Variants in IGFN1 observed in about 807,000 individuals in gnomAD.
IGFN1 encodes the protein immunoglobulin-like and fibronectin type III domain-containing protein 1.
Under a neutral mutation model 289.5 loss-of-function variants are expected in IGFN1, and 253 were observed. That is an observed-to-expected ratio of 0.87 (90% CI 0.79 to 0.97). The LOEUF (loss-of-function observed/expected upper bound fraction) is 0.97. IGFN1 is among the 50% of genes least tolerant of loss of function. IGFN1 has a pLI of 0.00. For synonymous variants in IGFN1, 1,706 were observed against 1,788.5 expected (o/e 0.95, Z 1.16); for missense variants, 4,470 against 4,686.1 (o/e 0.95, Z 1.35).
chr1:201,196,992 T>C (rs1666949069), intron 4 of IGFN1, among the ~76,000 whole-genome samples: 1 of 152,218 alleles, frequency 6.6e-6, no homozygotes, highest in Non-Finnish European at 1.5e-5. Flanking sequence ...AAGCACACTC[T>C]TTCTACTTCG....
At position 201,215,608 on chromosome 1, in the gene IGFN1, C is replaced by A. The variant is rs149837907; in HGVS notation, c.9065C>A (p.Pro3022Gln). Residue 3022 changes from proline (P) to glutamine (Q), a missense_variant, in exon 15 of 24, where the codon CCG (proline) becomes CAG (glutamine). This residue lies in a region of IGFN1 where 2,218 missense variants were observed against 2,114.1 expected (regional missense o/e 1.05). Transcript: ENST00000335211. Reference sequence around the variant, plus strand: ...CCACTGGTGGTCAAGGCTGGGAAGCCGGTGATAGTGAAGATCCCCTTCCAG... The same window carrying A: ...CCACTGGTGGTCAAGGCTGGGAAGCAGGTGATAGTGAAGATCCCCTTCCAG... ...REPLVVKAGKPVIVKIPFQSH... is the reference protein window; with the variant it reads ...REPLVVKAGKQVIVKIPFQSH... 6.2e-7 allele frequency: 1 copy of A among 1,613,206 alleles called. No homozygotes were observed. Among genetic ancestry groups the A allele is most frequent in the Non-Finnish European group, 8.5e-7 (1 of 1,179,628 alleles).
At chr1:201,222,636 G>T in intron 19 of IGFN1, 103 bp from the exon 20 acceptor site, 2 of 695,060 alleles carry the variant, frequency 2.9e-6, no homozygotes, top group South Asian at 3.6e-5. Context: ...GCATCAATCC[G>T]ACTGGCCCAG....
chr1:201,193,478 A>T (rs886092627), intron 2 of IGFN1, among the ~76,000 whole-genome samples, 178 bp downstream of exon 2: 1 of 151,810 alleles, frequency 6.6e-6, no homozygotes, highest in Non-Finnish European at 1.5e-5. Context: ...TTGAGACAGA[A>T]TCTCACTCTG....
rs1296771410 is a variant in IGFN1, at chr1:201,206,655, C to A, written c.1762C>A (p.Leu588Met). ...KEHRGDSGRQ[L>M]DRHAPEQLWD... ...GCACAGAGGGGACAGTGGAAGACAA[C>A]TGGACAGGCATGCCCCAGAGCAACT... Residue 588 changes from leucine (L) to methionine (M), a missense_variant, in exon 12 of 24, where the codon CTG becomes ATG. Transcript: ENST00000335211. 4 of 1,537,812 alleles carry A rather than the reference C, an allele frequency of 2.6e-6. No individual in the cohort carries two copies. The African/African-American group carries it at 5.5e-5, about 21-fold the overall frequency.
Position 201,212,820 on chromosome 1 carries a change from A to T in IGFN1, c.7927A>T (p.Lys2643Ter), listed in dbSNP as rs1298461657. The T allele has an allele frequency of 6.4e-7, 1 of 1,551,240 alleles. No homozygotes were observed. Among genetic ancestry groups the T allele is most frequent in the African/African-American group, 1.4e-5 (1 of 73,030 alleles). ...TAGCCAAGGCAGCATAGATGCTGGG[A>T]AGCAGCCCGCAGGCTCCAGAGCTTC... The part of the protein sequence containing the change: ...GFSQGSIDAG[K>*]QPAGSRASGS... Residue 2643 changes from lysine (K) to a stop codon, truncating the protein, a stop_gained, in exon 12 of 24, where the codon AAG (lysine) becomes TAG (stop). Transcript: ENST00000335211. LOFTEE classifies it high-confidence loss of function.
intron 9 of IGFN1, 96 bp downstream of exon 9, chr1:201,201,928 A>G: frequency 1.5e-6 from 1 of 687,528 alleles, no homozygotes; most frequent in African/African-American, 1.8e-5. Context: ...CCTCCAAGGG[A>G]ACAACCAGAG....
chr1:201,212,979 G>T lies in IGFN1; in HGVS notation c.8086G>T (p.Gly2696Cys), dbSNP rs1035999699. Residue 2696 changes from glycine (G) to cysteine (C), a missense_variant, in exon 12 of 24, where the codon GGT becomes TGT. Physicochemically the swap from Gly to Cys is radical, Grantham distance 159. This residue lies in a region of IGFN1 where 2,218 missense variants were observed against 2,114.1 expected (regional missense o/e 1.05). Transcript: ENST00000335211. The part of the protein sequence containing the change: ...CRSPWSLDSK[G>C]SSPGRGSSVD... ...AAGCCCATGGTCCCTGGATAGCAAA[G>T]GTTCAAGTCCTGGAAGGGGCAGTTC... is the stretch of plus-strand genomic sequence containing the variant. 3 of 1,551,562 alleles carry T rather than the reference G, an allele frequency of 1.9e-6. No individual in the cohort carries two copies. The South Asian group carries it at 3.6e-5, about 18-fold the overall frequency.
In IGFN1 at chr1:201,197,683, T is replaced by C. The variant is rs562138918; in HGVS notation, c.367+366T>C. Among the ~76,000 whole-genome samples the C allele has an allele frequency of 2.6e-5, 4 of 152,362 alleles. No individual in the cohort carries two copies. The East Asian group carries it at 5.8e-4, about 22-fold the overall frequency. ...GCAAAGGATATTTTGGACAGGCCTA[T>C]GCCAGAGTTGACAAACAGGTCACAC... On this transcript the variant is annotated intron_variant, in intron 5 of 23. Coordinates refer to ENST00000335211, the MANE Select transcript of IGFN1 (RefSeq NM_001164586.2).
chr1:201,217,140 A>G (rs560800029), intron 16 of IGFN1, 147 bp from the exon 17 acceptor site: 2 of 682,648 alleles, frequency 2.9e-6, no homozygotes, highest in Non-Finnish European at 2.5e-6. Context: ...ACACTGACCT[A>G]GGGCGGGCTG....
intron 10 of IGFN1, 90 bp from the exon 11 acceptor site, chr1:201,204,992 G>A: frequency 5.2e-6 from 7 of 1,354,558 alleles, no homozygotes; most frequent in Non-Finnish European, 7.0e-6. Flanking sequence ...GCTGGTCTAA[G>A]CCAGGATTTC....
chr1:201,209,324 T>C lies in IGFN1; in HGVS notation c.4431T>C (p.Gly1477=). Residue 1477 remains glycine, a synonymous_variant, in exon 12 of 24, where the codon GGT becomes GGC. Coordinates refer to ENST00000335211, the MANE Select transcript of IGFN1 (RefSeq NM_001164586.2). Reference sequence around the variant, plus strand: ...GAATGGATTCAGGGAGCAAGGCAGGTTACAGGGGTGGTTTAAGGGGTTCTG... The same window carrying C: ...GAATGGATTCAGGGAGCAAGGCAGGCTACAGGGGTGGTTTAAGGGGTTCTG... ...PERMDSGSKA[G]YRGGLRGSGE... 6.7e-7 allele frequency: 1 copy of C among 1,484,790 alleles called. No homozygotes were observed. The allele number at this position is 1,484,790 out of a possible 1,614,324, so 92.0% of individuals were successfully genotyped here.
chr1:201,200,456 C>A, intron 8 of IGFN1, 45 bp downstream of exon 8: 1 of 1,477,734 alleles, frequency 6.8e-7, no homozygotes, highest in Non-Finnish European at 9.2e-7. Context: ...CCACCCCACA[C>A]ACCTGGACCA....
intron 14 of IGFN1, 65 bp downstream of exon 14, chr1:201,215,219 T>G: frequency 6.6e-7 from 1 of 1,518,570 alleles, no homozygotes; most frequent in Non-Finnish European, 8.9e-7. Context: ...CCAGGTGATA[T>G]GCCTTGCTTT....
At chr1:201,224,314 G>A (rs751086707) in intron 20 of IGFN1, among the ~76,000 whole-genome samples, 27 of 152,110 alleles carry the variant, frequency 1.8e-4, no homozygotes, top group Non-Finnish European at 3.7e-4. Flanking sequence ...CCTGCCATGT[G>A]AATCCAGAAC....
intron 23 of IGFN1, among the ~76,000 whole-genome samples, chr1:201,227,676 C>A (rs1011889129): frequency 4.6e-5 from 7 of 152,032 alleles, no homozygotes; most frequent in African/African-American, 1.7e-4. Context: ...GTGATCCACC[C>A]GCCTCGGCCT....
In IGFN1 at chr1:201,215,551, T is replaced by C; in HGVS notation, c.9008T>C (p.Ile3003Thr). The C allele has an allele frequency of 2.5e-6, 4 of 1,574,272 alleles. No homozygotes were observed. The highest frequency in any genetic ancestry group is 1.7e-4 in the Middle Eastern group (1 of 5,848). The change falls in exon 15 of 24, where the codon ATT (isoleucine) becomes ACT (threonine). Residue 3003 changes from isoleucine to threonine, a missense_variant. By Grantham distance (89) the Ile-to-Thr change is moderately conservative. Around this residue, in one of 8 missense-constraint regions of IGFN1, gnomAD observed 2,218 missense variants for 2,114.1 expected, o/e 1.05. Transcript: ENST00000335211. Reference sequence around the variant, plus strand: ...GTTTTATTTCTAGATTCCCCTACCATTGCTCCAGATGTGACAGAGAAACTG... The same window carrying C: ...GTTTTATTTCTAGATTCCCCTACCACTGCTCCAGATGTGACAGAGAAACTG... ...ATLTVQDSPT[I>T]APDVTEKLRE... is the part of the protein sequence containing the mutation.
In IGFN1 at chr1:201,212,829, G is replaced by A. The variant is rs757644812; in HGVS notation, c.7936G>A (p.Ala2646Thr). 4.4e-5 allele frequency: 69 copies of A among 1,551,182 alleles called. No homozygotes were observed. Among genetic ancestry groups the A allele is most frequent in the Middle Eastern group, 1.7e-4 (1 of 6,008 alleles). The stretch of plus-strand genomic sequence containing the variant: ...CAGCATAGATGCTGGGAAGCAGCCC[G>A]CAGGCTCCAGAGCTTCCGGTTCTCT... ...QGSIDAGKQPAGSRASGSLQE... is the reference protein window; with the variant it reads ...QGSIDAGKQPTGSRASGSLQE... The change falls in exon 12 of 24, where the codon GCA becomes ACA. Residue 2646 changes from alanine to threonine, a missense_variant. By Grantham distance (58) the Ala-to-Thr change is moderately conservative (BLOSUM62 0). Around this residue, in one of 8 missense-constraint regions of IGFN1, gnomAD observed 2,218 missense variants for 2,114.1 expected, o/e 1.05. Coordinates refer to ENST00000335211, the MANE Select transcript of IGFN1 (RefSeq NM_001164586.2).
At chr1:201,221,302 T>C in intron 18 of IGFN1, 142 bp from the exon 19 acceptor site, 1 of 648,394 alleles carries the variant, frequency 1.5e-6, no homozygotes, top group Non-Finnish European at 2.6e-6. Flanking sequence ...TGGAACAAGG[T>C]AGGTGCTTCA....
chr1:201,212,885 C>G lies in IGFN1; in HGVS notation c.7992C>G (p.Thr2664=). 6.4e-7 allele frequency: 1 copy of G among 1,551,220 alleles called. No individual in the cohort carries two copies. Among genetic ancestry groups the G allele is most frequent in the Non-Finnish European group, 8.7e-7 (1 of 1,146,886 alleles). Residue 2664 remains threonine (T), a synonymous_variant, in exon 12 of 24, where the codon ACC becomes ACG. Coordinates refer to ENST00000335211, the MANE Select transcript of IGFN1 (RefSeq NM_001164586.2). ...AGAAAGATGCCGCTTTTGGTGGGAC[C>G]CATGAAGGGCCAGGGGGCTTTAAGG... ...LQEKDAAFGG[T]HEGPGGFKGG... is the part of the protein sequence containing the mutation.
Sources: allele counts gnomAD v4.1 joint callset (sites outside exome capture counted in the v4.1 genomes callset), GRCh38; gene constraint gnomAD v4.1.1; regional missense constraint gnomAD v4.1.1; transcripts MANE v1.5; gene names NCBI Gene and HGNC (gene_info 2026-07-23, HGNC 2026-07-21).